The following TBXAS1 variants were observed in gnomAD, a reference collection of about 807,000 sequenced individuals.
TBXAS1 encodes the protein thromboxane-A synthase.
TBXAS1 carries 48 observed loss-of-function variants against 60.7 expected under a neutral mutation model. The observed-to-expected ratio is 0.79, with a 90% CI of 0.63 to 1.01. TBXAS1 has a LOEUF of 1.01. Ranked by LOEUF, TBXAS1 falls within the 50% of genes least tolerant of loss-of-function variation. TBXAS1 has a pLI of 0.00. For missense variants in TBXAS1, 685 were observed against 686.3 expected (o/e 1.00, Z 0.02); for synonymous variants, 287 against 269.7 (o/e 1.06, Z -0.63).
intron 9 of TBXAS1, among the ~76,000 whole-genome samples, chr7:139,973,853 G>C (rs559366964): frequency 6.6e-6 from 1 of 151,690 alleles, no homozygotes; most frequent in Admixed American, 6.6e-5. Flanking sequence ...CTCATTCCTC[G>C]AATGTTCCCT....
In TBXAS1 at chr7:139,778,741, C is replaced by T. The variant is rs1478405687; in HGVS notation, c.-318+270C>T. 2.0e-5 allele frequency among the ~76,000 whole-genome samples: 3 copies of T among 152,160 alleles called. No individual in the cohort carries two copies. Among genetic ancestry groups the T allele is most frequent in the African/African-American group, 7.2e-5 (3 of 41,438 alleles). On this transcript the variant is annotated intron_variant, in intron 1 of 16. Coordinates refer to the TBXAS1 transcript ENST00000336425. The surrounding 1 kb of genome is among the most constrained non-coding windows in gnomAD (Gnocchi z 4.8). ...GGGAGCTCACAACTCTCTGGGTCCT[C>T]GCTTTTCTCAGCGCTCTCTCCTATC...
intron 2 of TBXAS1, among the ~76,000 whole-genome samples, chr7:139,781,533 G>T (rs955363915): frequency 2.6e-5 from 4 of 152,316 alleles, no homozygotes; most frequent in African/African-American, 7.2e-5. Context: ...GCCCACGTCA[G>T]ATGAAAGCAG....
chr7:139,825,788 G>A (rs992091323), upstream of TBXAS1, among the ~76,000 whole-genome samples: 1 of 152,190 alleles, frequency 6.6e-6, no homozygotes, highest in African/African-American at 2.4e-5. Context: ...CTTGGTCAGT[G>A]TTTCTCAAAG....
chr7:139,909,716 T>G (rs1312767656), intron 3 of TBXAS1, among the ~76,000 whole-genome samples: 3 of 152,228 alleles, frequency 2.0e-5, no homozygotes, highest in African/African-American at 7.2e-5. Context: ...TCTTGGTAAA[T>G]AAGTGCTAGA....
chr7:139,951,593 T>TAAAAAAAAAAAAAAAAAAAAAAA (rs66551791), intron 5 of TBXAS1, among the ~76,000 whole-genome samples: 1 of 66,296 alleles, frequency 1.5e-5, no homozygotes, highest in African/African-American at 6.2e-5. Flanking sequence ...CCGTCTCTAC[T>TAAAAAAAAAAAAAAAAAAAAAAA]AAAAAAAAAA....
intron 3 of TBXAS1, among the ~76,000 whole-genome samples, chr7:139,885,951 C>T (rs754790330): frequency 2.6e-5 from 4 of 152,204 alleles, no homozygotes; most frequent in Non-Finnish European, 4.4e-5. Flanking sequence ...GAATGTTTGA[C>T]GTTAGCCTTT....
intron 9 of TBXAS1, among the ~76,000 whole-genome samples, chr7:139,989,324 A>T (rs1812726981): frequency 1.3e-5 from 2 of 152,182 alleles, no homozygotes; most frequent in Admixed American, 1.3e-4. Flanking sequence ...TCAGACTGCA[A>T]AGACAGGCAA....
At chr7:140,011,857 A>T (rs529092312) in intron 10 of TBXAS1, among the ~76,000 whole-genome samples, 3 of 150,860 alleles carry the variant, frequency 2.0e-5, no homozygotes, top group Admixed American at 6.6e-5. Flanking sequence ...TATATCCACA[A>T]TGAAATAATA....
chr7:139,784,011 GTT>G (rs11340240), intron 3 of TBXAS1, among the ~76,000 whole-genome samples: 10,948 of 132,064 alleles, frequency 0.083, 1,341 homozygotes, highest in African/African-American at 0.28. Context: ...AGTTTTTTTT[GTT>G]TTTTTTTTTT....
At chr7:139,965,684 A>G (rs1329247646) in intron 9 of TBXAS1, among the ~76,000 whole-genome samples, 1 of 152,138 alleles carries the variant, frequency 6.6e-6, no homozygotes, top group Admixed American at 6.5e-5. Flanking sequence ...TGCAAGCCAC[A>G]AGGTGATTTT....
intron 9 of TBXAS1, among the ~76,000 whole-genome samples, chr7:139,967,250 G>A (rs1030682842): frequency 5.9e-5 from 9 of 152,228 alleles, no homozygotes; most frequent in Non-Finnish European, 1.5e-5. Context: ...ACCCTGTCAT[G>A]TCTCTCCAAG....
chr7:139,877,637 A>G (rs1802345036), intron 3 of TBXAS1, among the ~76,000 whole-genome samples: 1 of 151,608 alleles, frequency 6.6e-6, no homozygotes, highest in Non-Finnish European at 1.5e-5. Context: ...TAGCCAGGCT[A>G]GTCTCAAACT....
At chr7:139,926,934 GTA>G (rs1175705286) in intron 4 of TBXAS1, among the ~76,000 whole-genome samples, 2 of 151,840 alleles carry the variant, frequency 1.3e-5, no homozygotes, top group Admixed American at 6.6e-5. Context: ...ATTGGAAATT[GTA>G]TAGTTTCCAA....
At chr7:139,957,845 T>C (rs1809999540) in intron 8 of TBXAS1, 81 bp downstream of exon 8, 2 of 1,589,492 alleles carry the variant, frequency 1.3e-6, no homozygotes, top group Non-Finnish European at 1.7e-6. Context: ...TTCTCTTCCC[T>C]CTCAGCCCCG....
chr7:139,990,822 C>T (rs1353647624), intron 9 of TBXAS1, among the ~76,000 whole-genome samples: 2 of 152,146 alleles, frequency 1.3e-5, no homozygotes, highest in Non-Finnish European at 2.9e-5. Flanking sequence ...GGCCCCACCC[C>T]TCAGGACTTC....
chr7:139,835,320 G>A lies in TBXAS1; in HGVS notation c.89+5841G>A, dbSNP rs189769946. ...CCTGACCTCGTGGTCCACCCACCTC[G>A]GCCTCCCAAAGTGCTGGGATTTCAG... On this transcript the variant is annotated intron_variant, in intron 1 of 12. Transcript: ENST00000448866. Among the ~76,000 whole-genome samples, 10 of 152,056 alleles carry A rather than the reference G, an allele frequency of 6.6e-5. No homozygotes were observed. The East Asian group carries it at 7.7e-4, about 12-fold the overall frequency.
chr7:139,831,411 C>G (rs1798693122), intron 1 of TBXAS1, among the ~76,000 whole-genome samples: 1 of 152,194 alleles, frequency 6.6e-6, no homozygotes, highest in Admixed American at 6.5e-5. Context: ...GGCAAGGCCC[C>G]CTTCCTGCTT....
intron 4 of TBXAS1, among the ~76,000 whole-genome samples, chr7:139,801,500 T>C (rs896697663): frequency 2.0e-5 from 3 of 151,970 alleles, no homozygotes; most frequent in African/African-American, 7.3e-5. Context: ...AGGCAGGTTC[T>C]TGCTCTGTCA....
intron 3 of TBXAS1, among the ~76,000 whole-genome samples, chr7:139,883,674 C>G (rs183647729): frequency 2.0e-5 from 3 of 152,302 alleles, no homozygotes; most frequent in African/African-American, 7.2e-5. Context: ...ATCACTTCCC[C>G]TCTCCAGCTT....
Sources: gnomAD v4.1 joint callset for allele counts (sites outside exome capture counted in the v4.1 genomes callset) on GRCh38, gnomAD v4.1.1 for gene constraint, Gnocchi (gnomAD v3.1) non-coding constraint, MANE v1.5 for transcripts, NCBI Gene and HGNC (gene_info 2026-07-23, HGNC 2026-07-21) for gene names.